Variants in ANKS1B observed in about 807,000 individuals in gnomAD.
The protein encoded by ANKS1B is ankyrin repeat and sterile alpha motif domain-containing protein 1B.
Under a neutral mutation model 148.3 loss-of-function variants are expected in ANKS1B, and 36 were observed. That is an observed-to-expected ratio of 0.24 (90% CI 0.19 to 0.32). ANKS1B has a LOEUF of 0.32. Ranked by LOEUF, ANKS1B falls within the 10% of genes least tolerant of loss-of-function variation. The probability of loss-of-function intolerance (pLI) is 1.00; values close to 1 mark genes in which losing one functional copy is unlikely to be tolerated. For synonymous variants in ANKS1B, 542 were observed against 560.8 expected (o/e 0.97, Z 0.47); for missense variants, 1,157 against 1,542.6 (o/e 0.75, Z 4.19).
intron 17 of ANKS1B, among the ~76,000 whole-genome samples, chr12:99,049,478 A>C (rs1272122484): frequency 1.3e-5 from 2 of 152,224 alleles, no homozygotes; most frequent in Non-Finnish European, 2.9e-5. Flanking sequence ...ATAGGATGAT[A>C]GCTCTACTGC....
At chr12:99,682,604 G>A (rs1395193541) in intron 8 of ANKS1B, among the ~76,000 whole-genome samples, 1 of 152,164 alleles carries the variant, frequency 6.6e-6, no homozygotes, top group Non-Finnish European at 1.5e-5. Flanking sequence ...TACAGCAAAA[G>A]TGGTGCTAAA....
At chr12:99,348,641 T>C (rs2091044994) in intron 12 of ANKS1B, among the ~76,000 whole-genome samples, 12 of 151,910 alleles carry the variant, frequency 7.9e-5, no homozygotes. Flanking sequence ...TGAAATGACT[T>C]ATTTAAATTG....
At chr12:99,734,852 T>A (rs1395471026) in intron 8 of ANKS1B, among the ~76,000 whole-genome samples, 1 of 152,180 alleles carries the variant, frequency 6.6e-6, no homozygotes, top group African/African-American at 2.4e-5. Context: ...TCCTCTCAGT[T>A]ATCATCTTAA....
intron 1 of ANKS1B, among the ~76,000 whole-genome samples, chr12:99,828,420 T>C (rs1603144915): frequency 6.6e-6 from 1 of 152,118 alleles, no homozygotes; most frequent in African/African-American, 2.4e-5. Context: ...CCCAACACTA[T>C]GAACTCAGAG....
chr12:99,280,462 T>G (rs1480112050), intron 12 of ANKS1B, among the ~76,000 whole-genome samples: 2 of 152,172 alleles, frequency 1.3e-5, no homozygotes, highest in Non-Finnish European at 2.9e-5. Flanking sequence ...AAGTTATGTG[T>G]TTTACTTCTG....
chr12:99,154,769 G>A (rs1735428498), intron 14 of ANKS1B: 2 of 1,445,586 alleles, frequency 1.4e-6, no homozygotes, highest in East Asian at 2.5e-5. Flanking sequence ...AGCAATGCAC[G>A]GCCGGCAGCC....
chr12:99,394,941 C>T (rs2094196760), intron 12 of ANKS1B, among the ~76,000 whole-genome samples: 1 of 152,188 alleles, frequency 6.6e-6, no homozygotes, highest in South Asian at 2.1e-4. Context: ...CCCCAAATCT[C>T]TTGTGTGTCA....
At chr12:99,259,983 C>T (rs1181725274) in intron 12 of ANKS1B, among the ~76,000 whole-genome samples, 1 of 152,178 alleles carries the variant, frequency 6.6e-6, no homozygotes, top group East Asian at 1.9e-4. Flanking sequence ...GGTTTTGTTT[C>T]TCTCTTACCA....
intron 4 of ANKS1B, among the ~76,000 whole-genome samples, chr12:99,798,793 G>C (rs1229290756): frequency 2.6e-5 from 4 of 151,934 alleles, no homozygotes; most frequent in Non-Finnish European, 5.9e-5. Flanking sequence ...TTCAAGTCTT[G>C]GTCTTTACTC....
chr12:99,954,838 T>C (rs774888787), intron 1 of ANKS1B, among the ~76,000 whole-genome samples: 3 of 152,070 alleles, frequency 2.0e-5, no homozygotes, highest in African/African-American at 4.8e-5. Context: ...CAAATGTCAA[T>C]AGTACCAAGG....
chr12:99,839,954 A>G (rs2085453716), intron 1 of ANKS1B, among the ~76,000 whole-genome samples: 1 of 152,006 alleles, frequency 6.6e-6, no homozygotes, highest in Non-Finnish European at 1.5e-5. Context: ...TCATTCACTC[A>G]TTCAAAAAAT....
At chr12:99,045,769 A>G (rs766164863) in intron 17 of ANKS1B, among the ~76,000 whole-genome samples, 1 of 152,194 alleles carries the variant, frequency 6.6e-6, no homozygotes, top group South Asian at 2.1e-4. Context: ...GAGAGATGGA[A>G]AACAAACAAA....
chr12:99,898,616 A>C (rs1190795063), intron 1 of ANKS1B, among the ~76,000 whole-genome samples: 1 of 152,158 alleles, frequency 6.6e-6, no homozygotes, highest in Non-Finnish European at 1.5e-5. Flanking sequence ...CCTGGCTTCC[A>C]TGACCCTATC....
intron 15 of ANKS1B, among the ~76,000 whole-genome samples, chr12:99,121,361 T>C (rs973680695): frequency 1.5e-5 from 1 of 67,366 alleles, no homozygotes; most frequent in African/African-American, 4.0e-5. Context: ...GTGTGTGTAT[T>C]TTCCCCCCAA....
chr12:98,800,671 C>CAG (rs72307059), intron 21 of ANKS1B, among the ~76,000 whole-genome samples: 2,868 of 28,304 alleles, frequency 0.1, 200 homozygotes, highest in Middle Eastern at 0.26. Flanking sequence ...GGTGAGTGAG[C>CAG]AGAGATATAT....
chr12:99,590,857 T>C (rs1044939275), intron 9 of ANKS1B, among the ~76,000 whole-genome samples: 1 of 152,198 alleles, frequency 6.6e-6, no homozygotes, highest in South Asian at 2.1e-4. Context: ...TAGTCTAAAC[T>C]AAACAGATTT....
chr12:98,867,544 A>G (rs1287578611), intron 17 of ANKS1B, among the ~76,000 whole-genome samples: 2 of 152,236 alleles, frequency 1.3e-5, no homozygotes, highest in African/African-American at 4.8e-5. Flanking sequence ...TAAACTTCTT[A>G]GAACAAATTA....
chr12:99,272,796 T>C (rs577484821), intron 12 of ANKS1B, among the ~76,000 whole-genome samples: 1 of 152,332 alleles, frequency 6.6e-6, no homozygotes, highest in East Asian at 1.9e-4. Context: ...AGACTTTTTA[T>C]AAAAAGCATC....
chr12:98,991,564 T>C (rs1322429773), intron 17 of ANKS1B, among the ~76,000 whole-genome samples: 1 of 152,230 alleles, frequency 6.6e-6, no homozygotes, highest in East Asian at 1.9e-4. Context: ...TGAACATCAA[T>C]TAACAATCTA....
Sources: gnomAD v4.1 joint callset for allele counts (sites outside exome capture counted in the v4.1 genomes callset) on GRCh38, gnomAD v4.1.1 for gene constraint, MANE v1.5 for transcripts, NCBI Gene and HGNC (gene_info 2026-07-23, HGNC 2026-07-21) for gene names.